NRG1: variants seen among roughly 807,000 people sequenced by gnomAD.
NRG1 encodes neuregulin 1, also known as pro-neuregulin-1, membrane-bound isoform.
In NRG1, 18 loss-of-function variants were observed where a neutral mutation model predicts 63.8. That is an observed-to-expected ratio of 0.28 (90% CI 0.19 to 0.42). NRG1 has a LOEUF of 0.42. Among genes scored for constraint, NRG1 ranks in the 10% least tolerant of loss-of-function variants. The pLI is 1.00. For missense variants in NRG1, 762 were observed against 814.7 expected (o/e 0.94, Z 0.79); for synonymous variants, 302 against 301.3 (o/e 1.00, Z -0.02).
intron 5 of NRG1, among the ~76,000 whole-genome samples, chr8:32,667,560 T>A (rs1397884713): frequency 2.0e-5 from 3 of 152,204 alleles, no homozygotes; most frequent in Non-Finnish European, 2.9e-5. Context: ...AAACATACTT[T>A]TCTTATTATA....
At chr8:32,084,439 C>T (rs745977033) in intron 1 of NRG1, among the ~76,000 whole-genome samples, 8 of 151,982 alleles carry the variant, frequency 5.3e-5, no homozygotes, top group Non-Finnish European at 8.8e-5. Flanking sequence ...TGGGTTGGAC[C>T]GTGAATATTA....
rs371259619 is a variant in NRG1, at chr8:32,506,370, T to C, written c.38-89458T>C. Among the ~76,000 whole-genome samples the C allele has an allele frequency of 1.2e-4, 19 of 152,068 alleles. No homozygotes were observed. The East Asian group carries it at 1.7e-3, about 14-fold the overall frequency. On this transcript the variant is annotated intron_variant, in intron 1 of 10. Coordinates refer to the NRG1 transcript ENST00000519301. Reference sequence around the variant, plus strand: ...TTTTTATTGGGGACCCACAACAACATTTGCCCAAAGGGTCTGTAGTCTGCT... The same window carrying C: ...TTTTTATTGGGGACCCACAACAACACTTGCCCAAAGGGTCTGTAGTCTGCT...
At chr8:31,929,443 T>C (rs1357773540) in intron 1 of NRG1, among the ~76,000 whole-genome samples, 1 of 151,942 alleles carries the variant, frequency 6.6e-6, no homozygotes, top group Non-Finnish European at 1.5e-5. Flanking sequence ...GTATACATTT[T>C]ATAGATTATC....
At chr8:31,882,329 TAAAAAAAAAAAA>T (rs745615085) in intron 1 of NRG1, among the ~76,000 whole-genome samples, 1 of 79,830 alleles carries the variant, frequency 1.3e-5, no homozygotes, top group African/African-American at 4.9e-5. Context: ...GCTCAAAAAC[TAAAAAAAAAAAA>T]AAAAAAAAAA....
At chr8:31,749,350 A>G (rs1195555586) in intron 1 of NRG1, among the ~76,000 whole-genome samples, 1 of 151,868 alleles carries the variant, frequency 6.6e-6, no homozygotes, top group East Asian at 1.9e-4. Context: ...AATAAATTGC[A>G]ATTTTTTCTT....
intron 1 of NRG1, among the ~76,000 whole-genome samples, chr8:31,974,193 A>T (rs6468069): frequency 0.72 from 109,138 of 151,846 alleles, 40,612 homozygotes; most frequent in Non-Finnish European, 0.82. Flanking sequence ...TGAGACAGGG[A>T]CTCGCTGTGT....
chr8:31,869,606 C>G (rs904182730), intron 1 of NRG1, among the ~76,000 whole-genome samples: 1 of 152,172 alleles, frequency 6.6e-6, no homozygotes, highest in African/African-American at 2.4e-5. Context: ...AAGCTCTTGC[C>G]TCGTTTTTGC....
chr8:31,759,631 AAGTT>A (rs1302494873), intron 1 of NRG1, among the ~76,000 whole-genome samples: 5 of 152,044 alleles, frequency 3.3e-5, no homozygotes, highest in Non-Finnish European at 1.5e-5. Context: ...TTAAATTTTA[AAGTT>A]AGTTAGCATA....
chr8:32,065,276 A>C (rs1824576229), intron 1 of NRG1, among the ~76,000 whole-genome samples: 1 of 152,098 alleles, frequency 6.6e-6, no homozygotes, highest in Non-Finnish European at 1.5e-5. Flanking sequence ...ATATGTATAC[A>C]TGTGCCATGT....
At chr8:31,981,828 A>G (rs1485269314) in intron 1 of NRG1, among the ~76,000 whole-genome samples, 1 of 151,684 alleles carries the variant, frequency 6.6e-6, no homozygotes, top group African/African-American at 2.4e-5. Flanking sequence ...AGAGCTTACA[A>G]AAAAAAAGGA....
At chr8:32,523,247 A>G (rs1362934003) in intron 1 of NRG1, among the ~76,000 whole-genome samples, 3 of 152,184 alleles carry the variant, frequency 2.0e-5, no homozygotes, top group African/African-American at 7.2e-5. Flanking sequence ...ATGTACTTCA[A>G]CCAAAACAAC....
intron 5 of NRG1, among the ~76,000 whole-genome samples, chr8:32,676,005 A>G (rs1807011369): frequency 6.6e-6 from 1 of 152,186 alleles, no homozygotes; most frequent in South Asian, 2.1e-4. Flanking sequence ...CTTTTCACTA[A>G]CTTATTTAGG....
chr8:32,601,239 A>G (rs1348464866), intron 2 of NRG1, among the ~76,000 whole-genome samples: 1 of 152,154 alleles, frequency 6.6e-6, no homozygotes, highest in Non-Finnish European at 1.5e-5. Context: ...TCTGACCTGG[A>G]ACACTTTCTG....
chr8:32,569,348 C>A (rs1429823281), intron 1 of NRG1, among the ~76,000 whole-genome samples: 3 of 152,124 alleles, frequency 2.0e-5, no homozygotes, highest in African/African-American at 7.2e-5. Context: ...CGTGCCTGGC[C>A]AGGCCAAGAT....
At chr8:32,725,605 A>C (rs1214643253) in intron 5 of NRG1, among the ~76,000 whole-genome samples, 1 of 149,038 alleles carries the variant, frequency 6.7e-6, no homozygotes, top group African/African-American at 2.5e-5. Flanking sequence ...CCTCCTGAGT[A>C]GTTGGGATTA....
chr8:32,339,753 A>G (rs1803812871), intron 1 of NRG1, among the ~76,000 whole-genome samples: 1 of 152,206 alleles, frequency 6.6e-6, no homozygotes. Context: ...ATTAGAGGGA[A>G]TATTGCAACC....
chr8:32,199,837 T>C (rs929731405), intron 1 of NRG1, among the ~76,000 whole-genome samples: 1 of 152,194 alleles, frequency 6.6e-6, no homozygotes, highest in Admixed American at 6.5e-5. Flanking sequence ...TGGAGTGCAA[T>C]GACACGATCT....
At chr8:32,013,812 T>C (rs1815105222) in intron 1 of NRG1, among the ~76,000 whole-genome samples, 1 of 152,164 alleles carries the variant, frequency 6.6e-6, no homozygotes, top group Non-Finnish European at 1.5e-5. Flanking sequence ...ACTGACATGA[T>C]AGACTAATCC....
intron 1 of NRG1, among the ~76,000 whole-genome samples, chr8:31,680,758 C>T (rs1196681591): frequency 1.3e-5 from 2 of 152,050 alleles, no homozygotes; most frequent in African/African-American, 4.8e-5. Context: ...GTCCCACCAA[C>T]AGTGTAAAAG....
Sources: gnomAD v4.1 joint callset for allele counts (sites outside exome capture counted in the v4.1 genomes callset) on GRCh38, gnomAD v4.1.1 for gene constraint, MANE v1.5 for transcripts, NCBI Gene and HGNC (gene_info 2026-07-23, HGNC 2026-07-21) for gene names.